PPP1R12B: variants seen among roughly 807,000 people sequenced by gnomAD.
PPP1R12B encodes myosin phosphatase target subunit 2.
Under a neutral mutation model 126.1 loss-of-function variants are expected in PPP1R12B, and 76 were observed. That is an observed-to-expected ratio of 0.60 (90% CI 0.50 to 0.73). PPP1R12B has a LOEUF of 0.73. Among genes scored for constraint, PPP1R12B ranks in the 30% least tolerant of loss-of-function variants. PPP1R12B has a pLI of 0.00. For synonymous variants in PPP1R12B, 356 were observed against 434.7 expected (o/e 0.82, Z 2.25); for missense variants, 1,052 against 1,205.1 (o/e 0.87, Z 1.88).
intron 1 of PPP1R12B, among the ~76,000 whole-genome samples, chr1:202,397,391 C>T (rs1409962809): frequency 6.6e-6 from 1 of 152,184 alleles, no homozygotes; most frequent in African/African-American, 2.4e-5. Flanking sequence ...CTCATCCTTT[C>T]CTACATGGTT....
At chr1:202,360,759 T>C (rs1242034484) in intron 1 of PPP1R12B, among the ~76,000 whole-genome samples, 2 of 151,888 alleles carry the variant, frequency 1.3e-5, no homozygotes, top group Non-Finnish European at 1.5e-5. Context: ...ATAGGTTTAG[T>C]GTATTGACTG....
At chr1:202,424,543 C>T (rs930857061) in intron 3 of PPP1R12B, among the ~76,000 whole-genome samples, 2 of 152,152 alleles carry the variant, frequency 1.3e-5, no homozygotes, top group South Asian at 2.1e-4. Context: ...AGGCTTGTCT[C>T]GAACTCTGAT....
rs768817959 is a variant in PPP1R12B at position 202,348,813 on chromosome 1, G to A, written c.-39G>A. ...CAACTCGAGCCCCAACAGTAATTTA[G>A]TGTTGGTAGTTTTGGCAGCAGCTGC... On this transcript the variant is annotated 5_prime_UTR_variant, in exon 1 of 24. It adds an upstream start codon to the 5' untranslated region. Transcript: ENST00000608999. The A allele has an allele frequency of 6.9e-6, 11 of 1,584,226 alleles. No homozygotes were observed. Among genetic ancestry groups the A allele is most frequent in the Non-Finnish European group, 9.4e-6 (11 of 1,168,600 alleles).
At chr1:202,449,298 C>T in intron 13 of PPP1R12B, 127 bp downstream of exon 13, 2 of 1,385,926 alleles carry the variant, frequency 1.4e-6, no homozygotes, top group Non-Finnish European at 1.9e-6. Flanking sequence ...TTTTTTGAGA[C>T]AGAGCCTCAC....
chr1:202,532,490 C>A (rs1684060158), intron 18 of PPP1R12B, among the ~76,000 whole-genome samples: 1 of 152,154 alleles, frequency 6.6e-6, no homozygotes, highest in Non-Finnish European at 1.5e-5. Flanking sequence ...CATACCAATA[C>A]CTTAGTCTAC....
At chr1:202,351,600 G>A (rs1210501929) in intron 1 of PPP1R12B, among the ~76,000 whole-genome samples, 1 of 152,214 alleles carries the variant, frequency 6.6e-6, no homozygotes, top group Admixed American at 6.5e-5. Context: ...GGAGCTGTTG[G>A]TAGCTGAACC....
At chr1:202,494,054 A>G (rs1281803648) in intron 15 of PPP1R12B, among the ~76,000 whole-genome samples, 1 of 152,240 alleles carries the variant, frequency 6.6e-6, no homozygotes, top group Non-Finnish European at 1.5e-5. Flanking sequence ...TTGTGTAATT[A>G]TCATTACCCC....
At chr1:202,532,661 T>C (rs575649472) in intron 18 of PPP1R12B, among the ~76,000 whole-genome samples, 53 of 152,170 alleles carry the variant, frequency 3.5e-4, no homozygotes, top group African/African-American at 1.2e-3. Flanking sequence ...TTGGTGAACA[T>C]ATAATCTTAG....
At chr1:202,463,009 T>G in intron 13 of PPP1R12B, 1 of 985,388 alleles carries the variant, frequency 1.0e-6, no homozygotes, top group Middle Eastern at 5.2e-4. Flanking sequence ...TCTGCCATAG[T>G]TTGTTAGTAC....
At chr1:202,407,299 G>A (rs1288383405) in intron 1 of PPP1R12B, among the ~76,000 whole-genome samples, 2 of 152,174 alleles carry the variant, frequency 1.3e-5, no homozygotes, top group Non-Finnish European at 2.9e-5. Flanking sequence ...TAACCCTTAG[G>A]CAATATGATA....
In PPP1R12B at chr1:202,588,188, C is replaced by T. The variant is rs942124422; in HGVS notation, c.*7628C>T. The T allele has an allele frequency of 1.3e-5, 2 of 152,646 alleles. No individual in the cohort carries two copies. The highest frequency in any genetic ancestry group is 2.9e-5 in the Non-Finnish European group (2 of 68,042). 9.5% of individuals were successfully genotyped at this position (152,646 alleles called of 1,614,324 possible). A position where few individuals can be genotyped will look rare whatever the true frequency, so the allele number is the denominator to read the frequency against. On this transcript the variant is annotated 3_prime_UTR_variant, in exon 24 of 24. Transcript: ENST00000608999. Reference sequence around the variant, plus strand: ...GAACCACCCTGAGGTTTCCATGCCTCTCCCATTTTAGTGGTAGCATTTTGT... The same window carrying T: ...GAACCACCCTGAGGTTTCCATGCCTTTCCCATTTTAGTGGTAGCATTTTGT...
chr1:202,438,680 C>T, intron 10 of PPP1R12B: 1 of 593,572 alleles, frequency 1.7e-6, no homozygotes. Flanking sequence ...CCCAGGGCCG[C>T]CGGGTTCAAG....
intron 1 of PPP1R12B, among the ~76,000 whole-genome samples, chr1:202,354,096 T>C (rs1656584159): frequency 6.6e-5 from 10 of 152,238 alleles, no homozygotes; most frequent in Admixed American, 5.9e-4. Flanking sequence ...AGTTTATTTT[T>C]TTCTTTTAAA....
chr1:202,348,996 C>G lies in PPP1R12B; in HGVS notation c.145C>G (p.Arg49Gly). The G allele has an allele frequency of 6.2e-7, 1 of 1,606,782 alleles. No individual in the cohort carries two copies. Among genetic ancestry groups the G allele is most frequent in the Non-Finnish European group, 8.5e-7 (1 of 1,177,112 alleles). Residue 49 changes from arginine to glycine, a missense_variant, in exon 1 of 24, where the codon CGC (arginine) becomes GGC (glycine). Arg to Gly is a moderately radical substitution (Grantham distance 125, BLOSUM62 -2). Coordinates refer to ENST00000608999, the MANE Select transcript of PPP1R12B (RefSeq NM_002481.4). ...CGCGGGGCGGCAGCCGCTGACCAGG[C>G]GCGGGAGCCCCAGGGTCCGCTTCGA... ...RGAGRQPLTR[R>G]GSPRVRFEDG...
Position 202,495,305 on chromosome 1 carries a change from C to T in PPP1R12B, c.2158C>T (p.Arg720Cys), listed in dbSNP as rs372374437. 1.1e-5 allele frequency: 17 copies of T among 1,564,800 alleles called. No homozygotes were observed. The highest frequency in any genetic ancestry group is 2.7e-5 in the African/African-American group (2 of 73,236). The change falls in exon 16 of 24, where the codon CGC (arginine) becomes TGC (cysteine). Residue 720 changes from arginine (R) to cysteine (C), a missense_variant. Transcript: ENST00000608999. ...GGATTATTTCCAGCCTATCTGTCAT[C>T]GCCTGAGGTGCCCAGCTCAGCCAGA... ...RSLDEEPICH[R>C]LRCPAQPDKP... is the part of the protein sequence containing the mutation.
rs1690063796 is a variant in PPP1R12B, at chr1:202,590,460, A to G, written c.*9900A>G. On this transcript the variant is annotated 3_prime_UTR_variant, in exon 24 of 24. Coordinates refer to ENST00000608999, the MANE Select transcript of PPP1R12B (RefSeq NM_002481.4). ...CCTTTTGGTGCTTCCCTGAAGGGAG[A>G]TTCTGGGTTAGAAGCCAGAGCCTCA... 6.6e-6 allele frequency: 1 copy of G among 151,128 alleles called. No homozygotes were observed. The highest frequency in any genetic ancestry group is 1.5e-5 in the Non-Finnish European group (1 of 67,900). The allele number at this position is 151,128 out of a possible 1,614,324, so 9.4% of individuals were successfully genotyped here.
intron 18 of PPP1R12B, among the ~76,000 whole-genome samples, chr1:202,543,568 C>A (rs1349180329): frequency 2.0e-5 from 3 of 151,996 alleles, no homozygotes; most frequent in African/African-American, 7.3e-5. Context: ...TGTGAAACCC[C>A]ATCTCTACTA....
chr1:202,579,059 C>T (rs1689350975), intron 23 of PPP1R12B, among the ~76,000 whole-genome samples: 1 of 152,212 alleles, frequency 6.6e-6, no homozygotes, highest in Non-Finnish European at 1.5e-5. Flanking sequence ...ATCATAGTCT[C>T]ATGAGGCACT....
intron 1 of PPP1R12B, among the ~76,000 whole-genome samples, chr1:202,394,040 T>TAA (rs1378049668): frequency 6.6e-6 from 1 of 152,158 alleles, no homozygotes; most frequent in African/African-American, 2.4e-5. Flanking sequence ...TTTACGCTTT[T>TAA]AAAAATTCTG....
Sources: allele counts gnomAD v4.1 joint callset (sites outside exome capture counted in the v4.1 genomes callset), GRCh38; gene constraint gnomAD v4.1.1; transcripts MANE v1.5; gene names NCBI Gene and HGNC (gene_info 2026-07-23, HGNC 2026-07-21).